The following CDH4 variants were observed in gnomAD, a reference collection of about 807,000 sequenced individuals.
The protein encoded by CDH4 is cadherin 4, also known as cadherin-4.
In CDH4, 33 loss-of-function variants were observed where a neutral mutation model predicts 86.0. The ratio of observed to expected loss-of-function variants is 0.38; its 90% CI spans 0.29 to 0.51. The LOEUF (loss-of-function observed/expected upper bound fraction) is 0.51, where lower values mean the gene tolerates loss of function less well. CDH4 is among the 20% of genes least tolerant of loss of function. The pLI is 0.86. For synonymous variants in CDH4, 555 were observed against 549.4 expected (o/e 1.01, Z -0.14); for missense variants, 1,114 against 1,307.4 (o/e 0.85, Z 2.28).
chr20:61,758,971 A>G (rs6121467), intron 3 of CDH4, among the ~76,000 whole-genome samples: 152,036 of 152,322 alleles, frequency 1, 75,875 homozygotes, highest in Middle Eastern at 1. Flanking sequence ...ACATGTGCGC[A>G]TGGGTGTGCA....
intron 2 of CDH4, among the ~76,000 whole-genome samples, chr20:61,534,889 G>A (rs2085985205): frequency 6.8e-6 from 1 of 146,446 alleles, no homozygotes; most frequent in Non-Finnish European, 1.5e-5. Context: ...TCCTCAACCC[G>A]ATGGCCTCCC....
At chr20:61,837,769 CG>C (rs1981947162) in intron 4 of CDH4, among the ~76,000 whole-genome samples, 1 of 149,122 alleles carries the variant, frequency 6.7e-6, no homozygotes, top group Admixed American at 6.7e-5. Flanking sequence ...GCACCCCCCC[CG>C]TGGGTCTGTC....
rs1980431031 is a variant in CDH4, at chr20:61,811,459, A to G, written c.577-33209A>G. Reference sequence around the variant, plus strand: ...GAAAAAACAGCAGACATCTATCTGTATGCTTTTGCCATGAGGAAAGGAAGC... The same window carrying G: ...GAAAAAACAGCAGACATCTATCTGTGTGCTTTTGCCATGAGGAAAGGAAGC... On this transcript the variant is annotated intron_variant, in intron 4 of 15. Transcript: ENST00000614565. This position sits in a 1 kb window ranked among gnomAD's most constrained non-coding sequence, Gnocchi z 4.4. Among the ~76,000 whole-genome samples the G allele has an allele frequency of 6.6e-6, 1 of 152,214 alleles. No homozygotes were observed. Among genetic ancestry groups the G allele is most frequent in the South Asian group, 2.1e-4 (1 of 4,834 alleles).
At chr20:61,653,992 G>A (rs571934600) in intron 2 of CDH4, among the ~76,000 whole-genome samples, 138 of 152,046 alleles carry the variant, frequency 9.1e-4, no homozygotes, top group African/African-American at 3.1e-3. Flanking sequence ...GGGCGGCCAG[G>A]CAGAGACGCT....
intron 2 of CDH4, among the ~76,000 whole-genome samples, chr20:61,603,994 C>T (rs1433172532): frequency 6.6e-6 from 1 of 152,126 alleles, no homozygotes; most frequent in Non-Finnish European, 1.5e-5. Context: ...TGCACACACA[C>T]ACGTGATTGA....
intron 7 of CDH4, among the ~76,000 whole-genome samples, chr20:61,874,718 T>G (rs1234975332): frequency 6.6e-6 from 1 of 152,176 alleles, no homozygotes; most frequent in Non-Finnish European, 1.5e-5. Context: ...ATCGCCTGCC[T>G]TCCCCATCTC....
chr20:61,485,455 G>A (rs530826706), intron 2 of CDH4, among the ~76,000 whole-genome samples: 11 of 152,324 alleles, frequency 7.2e-5, no homozygotes, highest in Non-Finnish European at 1.0e-4. Flanking sequence ...CATTCACTCT[G>A]CCAGGGTGGT....
chr20:61,700,372 A>T (rs1240284775), intron 2 of CDH4, among the ~76,000 whole-genome samples: 1 of 152,090 alleles, frequency 6.6e-6, no homozygotes, highest in Admixed American at 6.5e-5. Context: ...TGCATCTGGG[A>T]TATATTCTTG....
Position 61,928,334 on chromosome 20 carries a change from A to G in CDH4, c.1916A>G (p.Asp639Gly). ...NAINITAADA[D>G]VDPNIGPYVF... ...ATCAACATCACGGCGGCCGACGCTG[A>G]CGTCGACCCCAACATCGGCCCCTAC... Residue 639 changes from aspartate (D) to glycine (G), a missense_variant, in exon 12 of 16, where the codon GAC becomes GGC. Asp to Gly is a moderately conservative substitution (Grantham distance 94). Transcript: ENST00000614565. 6.2e-7 allele frequency: 1 copy of G among 1,611,030 alleles called. No homozygotes were observed.
At chr20:61,680,889 G>A (rs1033113885) in intron 2 of CDH4, among the ~76,000 whole-genome samples, 14 of 152,250 alleles carry the variant, frequency 9.2e-5, no homozygotes, top group Middle Eastern at 3.4e-3. Flanking sequence ...AGGGGTGGCC[G>A]CCTGTCTCCA....
intron 2 of CDH4, among the ~76,000 whole-genome samples, chr20:61,736,648 AG>A (rs1432942263): frequency 2.2e-5 from 3 of 136,032 alleles, no homozygotes; most frequent in Admixed American, 7.5e-5. Context: ...GGAAGGAAGG[AG>A]AGAGAGAGAG....
intron 2 of CDH4, among the ~76,000 whole-genome samples, chr20:61,400,016 T>C (rs1313359882): frequency 6.6e-6 from 1 of 152,172 alleles, no homozygotes; most frequent in East Asian, 1.9e-4. Flanking sequence ...CTGTCATTTT[T>C]CAAACCAGTC....
intron 2 of CDH4, among the ~76,000 whole-genome samples, chr20:61,590,027 C>T (rs1050539110): frequency 6.6e-6 from 1 of 151,576 alleles, no homozygotes; most frequent in Non-Finnish European, 1.5e-5. Context: ...GCACACAGGC[C>T]CTGGGTGGGG....
At chr20:61,332,278 G>A (rs984282388) in intron 2 of CDH4, among the ~76,000 whole-genome samples, 1 of 152,222 alleles carries the variant, frequency 6.6e-6, no homozygotes. Context: ...CCTTCTGGGT[G>A]TCAAGGTCTC....
At chr20:61,768,479 A>G (rs892522525) in intron 3 of CDH4, among the ~76,000 whole-genome samples, 10 of 152,214 alleles carry the variant, frequency 6.6e-5, no homozygotes, top group African/African-American at 2.4e-4. Flanking sequence ...TCATTACCCA[A>G]TGCTCAGTCT....
At chr20:61,655,590 C>T (rs1188923743) in intron 2 of CDH4, among the ~76,000 whole-genome samples, 2 of 152,274 alleles carry the variant, frequency 1.3e-5, no homozygotes, top group East Asian at 3.8e-4. Flanking sequence ...AAGCAGAAGG[C>T]AGTGCCCACC....
At chr20:61,722,509 C>A (rs966753823) in intron 2 of CDH4, among the ~76,000 whole-genome samples, 1 of 152,216 alleles carries the variant, frequency 6.6e-6, no homozygotes, top group African/African-American at 2.4e-5. Context: ...TGCATCCCCC[C>A]AGGAGGGGCC....
At chr20:61,266,021 T>C (rs919107670) in intron 2 of CDH4, among the ~76,000 whole-genome samples, 2 of 152,192 alleles carry the variant, frequency 1.3e-5, no homozygotes, top group African/African-American at 2.4e-5. Context: ...TAACTCTTCC[T>C]CGTTTGGATT....
chr20:61,445,900 C>T (rs2085347425), intron 2 of CDH4, among the ~76,000 whole-genome samples: 1 of 152,246 alleles, frequency 6.6e-6, no homozygotes, highest in Non-Finnish European at 1.5e-5. Flanking sequence ...AGGAGGCCAT[C>T]TGTGGGCCAG....
Sources: allele counts gnomAD v4.1 joint callset (sites outside exome capture counted in the v4.1 genomes callset), GRCh38; gene constraint gnomAD v4.1.1; non-coding constraint Gnocchi (gnomAD v3.1); transcripts MANE v1.5; gene names NCBI Gene and HGNC (gene_info 2026-07-23, HGNC 2026-07-21).